The following DRC9 variants were observed in gnomAD, a reference collection of about 807,000 sequenced individuals.
DRC9 encodes dynein regulatory complex subunit 9, also known as dynein regulatory complex protein 9.
chr3:197,890,643 G>A, the DRC9 span, among the ~76,000 whole-genome samples: 1 of 152,160 alleles, frequency 6.6e-6, no homozygotes, highest in Non-Finnish European at 1.5e-5. Context: ...TGAAAAGAAA[G>A]CAAACGTGCT....
chr3:197,922,532 C>T, the DRC9 span, among the ~76,000 whole-genome samples: 75 of 151,998 alleles, frequency 4.9e-4, no homozygotes, highest in African/African-American at 1.8e-3. Flanking sequence ...ATGGTGAAAC[C>T]CCATCTCTAC....
At chr3:197,921,151 A>C in the DRC9 span, among the ~76,000 whole-genome samples, 3 of 129,536 alleles carry the variant, frequency 2.3e-5, no homozygotes, top group East Asian at 6.6e-4. Flanking sequence ...AACTCCGGGG[A>C]TGTAACCTGA....
the DRC9 span, among the ~76,000 whole-genome samples, chr3:197,946,830 C>CT: frequency 3.0e-4 from 45 of 151,318 alleles, no homozygotes; most frequent in Admixed American, 4.0e-4. Flanking sequence ...TTTTTCTTTT[C>CT]TTTTTTTTTG....
chr3:197,956,799 T>G, the DRC9 span: 1 of 152,028 alleles, frequency 6.6e-6, no homozygotes, highest in Non-Finnish European at 1.5e-5. Context: ...CCAGTTAACT[T>G]TTTAGTTATT....
chr3:197,939,807 C>A, the DRC9 span, among the ~76,000 whole-genome samples: 1 of 151,792 alleles, frequency 6.6e-6, no homozygotes. Context: ...GGCGCGATCT[C>A]GGCTCACTGT....
the DRC9 span, among the ~76,000 whole-genome samples, chr3:197,940,445 C>T: frequency 6.6e-6 from 1 of 152,050 alleles, no homozygotes; most frequent in Admixed American, 6.6e-5. Context: ...TCAAATCACT[C>T]TCATTTCTGG....
the DRC9 span, among the ~76,000 whole-genome samples, chr3:197,919,231 A>G: frequency 6.6e-6 from 1 of 152,182 alleles, no homozygotes; most frequent in Non-Finnish European, 1.5e-5. Context: ...TTTTGCACAA[A>G]CATTTTAATG....
At chr3:197,918,862 G>T in the DRC9 span, among the ~76,000 whole-genome samples, 2 of 152,190 alleles carry the variant, frequency 1.3e-5, no homozygotes, top group East Asian at 3.9e-4. Context: ...AGGCTGGAGT[G>T]CAGTGATGCA....
At chr3:197,904,459 A>C in the DRC9 span, among the ~76,000 whole-genome samples, 1 of 152,190 alleles carries the variant, frequency 6.6e-6, no homozygotes, top group African/African-American at 2.4e-5. Flanking sequence ...TACCCAAAAG[A>C]AAGGAAATTA....
the DRC9 span, among the ~76,000 whole-genome samples, chr3:197,911,882 C>A: frequency 6.6e-6 from 1 of 151,958 alleles, no homozygotes; most frequent in Non-Finnish European, 1.5e-5. Context: ...TCAGGTGATC[C>A]GCTGGCCTCT....
At chr3:197,894,514 C>T in the DRC9 span, 2 of 152,140 alleles carry the variant, frequency 1.3e-5, no homozygotes, top group Admixed American at 6.5e-5. Context: ...GTTGTGCTCA[C>T]TTCAGTAACA....
chr3:197,904,093 TATATATATATATATA>T, the DRC9 span, among the ~76,000 whole-genome samples: 34 of 39,294 alleles, frequency 8.7e-4, no homozygotes, highest in South Asian at 1.8e-3. Context: ...CATACATATA[TATATATATATATATA>T]TATTTTTTTT....
chr3:197,940,452 C>T, the DRC9 span, among the ~76,000 whole-genome samples: 1 of 152,204 alleles, frequency 6.6e-6, no homozygotes, highest in South Asian at 2.1e-4. Context: ...ACTCTCATTT[C>T]TGGCAGAACC....
At chr3:197,889,355 A>G in the DRC9 span, 4 of 564,876 alleles carry the variant, frequency 7.1e-6, no homozygotes, top group Non-Finnish European at 1.3e-5. Context: ...CCAGCAAGGT[A>G]TGAGGAAGCC....
chr3:197,895,286 T>C, the DRC9 span, among the ~76,000 whole-genome samples: 1 of 152,222 alleles, frequency 6.6e-6, no homozygotes, highest in African/African-American at 2.4e-5. Flanking sequence ...TTTATTTACT[T>C]TGAGATAAGG....
chr3:197,931,648 C>T, the DRC9 span, among the ~76,000 whole-genome samples: 1 of 151,738 alleles, frequency 6.6e-6, no homozygotes, highest in Non-Finnish European at 1.5e-5. Flanking sequence ...TGCTCTGTCG[C>T]CCAGGCTGGA....
chr3:197,943,836 A>G, the DRC9 span: 11 of 1,614,036 alleles, frequency 6.8e-6, no homozygotes, highest in African/African-American at 1.3e-4. Flanking sequence ...CAGAATAGAG[A>G]GCTGGTCTGT....
chr3:197,938,764 T>C, the DRC9 span: 2 of 1,609,912 alleles, frequency 1.2e-6, no homozygotes. Flanking sequence ...TCCTTCTAGA[T>C]TCATTTCTCT....
chr3:197,904,565 C>T, the DRC9 span, among the ~76,000 whole-genome samples: 1 of 152,050 alleles, frequency 6.6e-6, no homozygotes, highest in African/African-American at 2.4e-5. Context: ...AACAGACGAA[C>T]GGATAAAGAA....
Sources: allele counts gnomAD v4.1 joint callset (sites outside exome capture counted in the v4.1 genomes callset), GRCh38; gene constraint gnomAD v4.1.1; transcripts MANE v1.5; gene names NCBI Gene and HGNC (gene_info 2026-07-23, HGNC 2026-07-21).